CRISPLD2: variants seen among roughly 807,000 people sequenced by gnomAD.
CRISPLD2 encodes cysteine-rich secretory protein LCCL domain-containing 2.
Under a neutral mutation model 71.1 loss-of-function variants are expected in CRISPLD2, and 47 were observed. The ratio of observed to expected loss-of-function variants is 0.66; its 90% CI spans 0.52 to 0.84. The LOEUF (loss-of-function observed/expected upper bound fraction) is 0.84, where lower values mean the gene tolerates loss of function less well. CRISPLD2 is among the 40% of genes least tolerant of loss of function. The pLI, the probability that CRISPLD2 is intolerant of heterozygous loss-of-function variation, is 0.00. For missense variants in CRISPLD2, 830 were observed against 651.1 expected, an observed-to-expected ratio of 1.27 and a Z score of -2.99; for synonymous variants, 317 against 250.1, an observed-to-expected ratio of 1.27 and a Z score of -2.52.
intron 14 of CRISPLD2, among the ~76,000 whole-genome samples, chr16:84,895,684 A>G (rs1203622843): frequency 6.6e-6 from 1 of 152,088 alleles, no homozygotes; most frequent in Non-Finnish European, 1.5e-5. Context: ...AGGATAGTTC[A>G]CTCACCACTT....
chr16:84,832,129 T>A (rs1458686863), intron 1 of CRISPLD2, among the ~76,000 whole-genome samples: 2 of 152,280 alleles, frequency 1.3e-5, no homozygotes, highest in Admixed American at 6.5e-5. Context: ...CATTATTCAC[T>A]CCAGCCTTCT....
chr16:84,903,679 C>T (rs1163613354), intron 14 of CRISPLD2, among the ~76,000 whole-genome samples: 2 of 151,694 alleles, frequency 1.3e-5, no homozygotes, highest in Admixed American at 6.6e-5. Flanking sequence ...TGGAGACTCG[C>T]GTCTGGAAGA....
chr16:84,906,055 T>C (rs1292507077), intron 14 of CRISPLD2, among the ~76,000 whole-genome samples: 1 of 151,944 alleles, frequency 6.6e-6, no homozygotes, highest in Non-Finnish European at 1.5e-5. Flanking sequence ...AGGATTTAAC[T>C]CCTCTTGTGA....
intron 1 of CRISPLD2, among the ~76,000 whole-genome samples, chr16:84,833,200 G>A (rs1423692162): frequency 6.6e-6 from 1 of 152,192 alleles, no homozygotes; most frequent in Non-Finnish European, 1.5e-5. Flanking sequence ...CGGGAGAAGT[G>A]TGGCTCCCGT....
chr16:84,866,051 G>A (rs1917526182), intron 6 of CRISPLD2, among the ~76,000 whole-genome samples: 4 of 152,140 alleles, frequency 2.6e-5, no homozygotes, highest in Admixed American at 6.5e-5. Context: ...ACTGGCAGGA[G>A]GAGAGAAGGG....
At chr16:84,831,621 G>A (rs1011131100) in intron 1 of CRISPLD2, among the ~76,000 whole-genome samples, 2 of 152,022 alleles carry the variant, frequency 1.3e-5, no homozygotes, top group African/African-American at 2.4e-5. Context: ...TCCCAGGCTG[G>A]TCTCAAACTC....
At chr16:84,906,525 A>G in intron 14 of CRISPLD2, 63 bp from the exon 15 acceptor site, 1 of 1,575,334 alleles carries the variant, frequency 6.3e-7, no homozygotes, top group South Asian at 1.1e-5. Flanking sequence ...CTGCCCACCC[A>G]GAGTCCCTGC....
chr16:84,838,408 C>T lies in CRISPLD2; in HGVS notation c.-74-14C>T. On this transcript the variant is annotated splice_polypyrimidine_tract_variant and intron_variant, in intron 1 of 14. Transcript: ENST00000262424. ...CTAATGCGACTTCTCCCACCACCCT[C>T]TGCTTCCTTTCAGAGCTCAAGCGCC... 5 of 1,520,834 alleles carry T rather than the reference C, an allele frequency of 3.3e-6. No homozygotes were observed. Among genetic ancestry groups the T allele is most frequent in the Non-Finnish European group, 3.6e-6 (4 of 1,126,198 alleles). The allele number at this position is 1,520,834 out of a possible 1,614,324, so 94.2% of individuals were successfully genotyped here.
At chr16:84,860,365 A>G (rs1053925232) in intron 6 of CRISPLD2, among the ~76,000 whole-genome samples, 1 of 152,132 alleles carries the variant, frequency 6.6e-6, no homozygotes, top group African/African-American at 2.4e-5. Context: ...CTGCTTATAT[A>G]CATTTGAAAA....
At chr16:84,820,599 G>A (rs986963661) in intron 1 of CRISPLD2, among the ~76,000 whole-genome samples, 2 of 152,144 alleles carry the variant, frequency 1.3e-5, no homozygotes, top group Admixed American at 6.5e-5. Context: ...AGAGGGCCAC[G>A]CCCCTCTGTG....
intron 9 of CRISPLD2, 68 bp downstream of exon 9, chr16:84,872,576 GTTGGCTT>G: frequency 2.2e-6 from 3 of 1,334,326 alleles, no homozygotes; most frequent in Non-Finnish European, 3.2e-6. Flanking sequence ...AAAGCAGGTG[GTTGGCTT>G]TAGTAGGAAA....
chr16:84,903,437 C>T (rs949736132), intron 14 of CRISPLD2, among the ~76,000 whole-genome samples: 9 of 152,006 alleles, frequency 5.9e-5, no homozygotes, highest in Admixed American at 5.9e-4. Flanking sequence ...ACAAAAAATA[C>T]AAAAATTAGC....
intron 1 of CRISPLD2, among the ~76,000 whole-genome samples, chr16:84,825,002 G>A (rs891819753): frequency 2.0e-5 from 3 of 152,144 alleles, no homozygotes; most frequent in Non-Finnish European, 4.4e-5. Context: ...TACTCGGGAG[G>A]CTGAGACAGA....
intron 6 of CRISPLD2, among the ~76,000 whole-genome samples, chr16:84,859,647 A>G (rs766006031): frequency 3.9e-5 from 6 of 152,108 alleles, no homozygotes; most frequent in Non-Finnish European, 8.8e-5. Context: ...TGTCCACTCA[A>G]TCTGGAAGTT....
At chr16:84,836,906 G>A (rs1044918907) in intron 1 of CRISPLD2, among the ~76,000 whole-genome samples, 1 of 152,196 alleles carries the variant, frequency 6.6e-6, no homozygotes, top group Admixed American at 6.5e-5. Flanking sequence ...TCCAGACAGA[G>A]CTGCTTCTTC....
At chr16:84,885,028 G>A (rs1357910665) in intron 13 of CRISPLD2, among the ~76,000 whole-genome samples, 3 of 152,214 alleles carry the variant, frequency 2.0e-5, no homozygotes, top group Non-Finnish European at 4.4e-5. Context: ...GAGACAGAAA[G>A]CCTGGAGGTC....
At chr16:84,851,460 G>A (rs1285594127) in intron 5 of CRISPLD2, among the ~76,000 whole-genome samples, 12 of 151,856 alleles carry the variant, frequency 7.9e-5, no homozygotes, top group African/African-American at 2.2e-4. Context: ...AGTGGGCCCC[G>A]GGGCATGTTT....
intron 14 of CRISPLD2, among the ~76,000 whole-genome samples, chr16:84,892,889 T>G (rs1218278799): frequency 7.0e-6 from 1 of 143,788 alleles, no homozygotes; most frequent in Admixed American, 7.4e-5. Flanking sequence ...GGCAGGAGAA[T>G]CGCTTGAAAC....
intron 2 of CRISPLD2, among the ~76,000 whole-genome samples, chr16:84,842,825 G>C (rs928806131): frequency 6.6e-6 from 1 of 152,146 alleles, no homozygotes; most frequent in Non-Finnish European, 1.5e-5. Context: ...GCTTGGCCTT[G>C]GTCCTCATGG....
Sources: gnomAD v4.1 joint callset for allele counts (sites outside exome capture counted in the v4.1 genomes callset) on GRCh38, gnomAD v4.1.1 for gene constraint, MANE v1.5 for transcripts, NCBI Gene and HGNC (gene_info 2026-07-23, HGNC 2026-07-21) for gene names.